The following HCRTR2 variants were observed in gnomAD, a reference collection of about 807,000 sequenced individuals.
HCRTR2 encodes orexin receptor type 2.
HCRTR2 carries 22 observed loss-of-function variants against 49.0 expected under a neutral mutation model. That is an observed-to-expected ratio of 0.45 (90% CI 0.32 to 0.64). The LOEUF is 0.64. Among genes scored for constraint, HCRTR2 ranks in the 30% least tolerant of loss-of-function variants. The pLI, the probability that HCRTR2 is intolerant of heterozygous loss-of-function variation, is 0.04. For missense variants in HCRTR2, 491 were observed against 559.4 expected (o/e 0.88, Z 1.23); for synonymous variants, 236 against 205.3 (o/e 1.15, Z -1.28).
At position 55,277,425 on chromosome 6, in the gene HCRTR2, C is replaced by A. The variant is rs1188186465; in HGVS notation, c.808C>A (p.Gln270Lys). The A allele has an allele frequency of 1.2e-6, 2 of 1,613,982 alleles. No individual in the cohort carries two copies. Among genetic ancestry groups the A allele is most frequent in the Non-Finnish European group, 1.7e-6 (2 of 1,179,994 alleles). The change falls in exon 5 of 7, where the codon CAG (glutamine) becomes AAG (lysine). Residue 270 changes from glutamine (Q) to lysine (K), a missense_variant. Transcript: ENST00000370862. Reference protein sequence around the residue: ...SVVQRKWKPLQPVSQPRGPGQ... With the variant: ...SVVQRKWKPLKPVSQPRGPGQ... ...AGTTCAGAGAAAATGGAAGCCCCTG[C>A]AGCCTGTTTCACAGCCTCGAGGGCC... is the stretch of plus-strand genomic sequence containing the variant.
In HCRTR2 at chr6:55,232,653, A is replaced by T. The variant is rs111283613; in HGVS notation, c.224-15986A>T. Among the ~76,000 whole-genome samples the T allele has an allele frequency of 1.5e-3, 234 of 152,336 alleles. 3 individuals are homozygous for T. The highest frequency in any genetic ancestry group is 5.4e-3 in the African/African-American group (224 of 41,580). ...GGATGACAAAGATCACTTGTGAAGA[A>T]CTTTATTAAGTTTTATTTGGTTGAA... is the stretch of plus-strand genomic sequence containing the variant. On this transcript the variant is annotated intron_variant, in intron 1 of 6. Transcript: ENST00000370862.
intron 4 of HCRTR2, among the ~76,000 whole-genome samples, chr6:55,270,617 A>G (rs79193812): frequency 0.027 from 4,142 of 152,306 alleles, 208 homozygotes; most frequent in African/African-American, 0.092. Flanking sequence ...TCGTGTCAAA[A>G]GTCAACAAAA....
intron 1 of HCRTR2, among the ~76,000 whole-genome samples, chr6:55,246,806 T>C (rs1326512427): frequency 1.3e-5 from 2 of 152,048 alleles, no homozygotes; most frequent in Non-Finnish European, 2.9e-5. Context: ...TGAAACTAGT[T>C]AATAATTTAA....
chr6:55,135,322 A>G (rs1561982837), intron 1 of HCRTR2, among the ~76,000 whole-genome samples: 1 of 152,132 alleles, frequency 6.6e-6, no homozygotes, highest in Non-Finnish European at 1.5e-5. Flanking sequence ...GATAAAACCC[A>G]TAATTAGTTC....
At chr6:55,237,070 TA>T (rs1286992877) in intron 1 of HCRTR2, among the ~76,000 whole-genome samples, 2 of 152,138 alleles carry the variant, frequency 1.3e-5, no homozygotes, top group African/African-American at 4.8e-5. Context: ...TGGTTTTATC[TA>T]ATCTTTCTTT....
At chr6:55,108,370 C>G (rs116058480) in intron 1 of HCRTR2, among the ~76,000 whole-genome samples, 1 of 151,944 alleles carries the variant, frequency 6.6e-6, no homozygotes, top group Non-Finnish European at 1.5e-5. Context: ...ATTCACAGAC[C>G]CTTTGAAAGA....
At chr6:55,276,610 G>C (rs926369498) in intron 4 of HCRTR2, among the ~76,000 whole-genome samples, 3 of 152,172 alleles carry the variant, frequency 2.0e-5, no homozygotes, top group South Asian at 4.1e-4. Context: ...TTACAATTAA[G>C]AGAATATTGT....
intron 1 of HCRTR2, among the ~76,000 whole-genome samples, chr6:55,231,315 T>C (rs1766110166): frequency 6.6e-6 from 1 of 152,104 alleles, no homozygotes; most frequent in African/African-American, 2.4e-5. Context: ...GTTACTGTAA[T>C]GAAATTAAAC....
rs564319958 is a variant in HCRTR2, at chr6:55,115,717, T to C, written c.-378+9172T>C. On this transcript the variant is annotated intron_variant, in intron 1 of 7. Transcript: ENST00000615358. ...TTGACATGTCCACCTCAATTTTATG[T>C]AGATTTTAGTAGATTTAGGGATATC... is the stretch of plus-strand genomic sequence containing the variant. Among the ~76,000 whole-genome samples the C allele has an allele frequency of 1.3e-3, 200 of 151,790 alleles. 1 individual carries two copies. The highest frequency in any genetic ancestry group is 4.6e-3 in the African/African-American group (192 of 41,502).
At chr6:55,277,911 T>G (rs777906767) in intron 5 of HCRTR2, among the ~76,000 whole-genome samples, 5 of 152,238 alleles carry the variant, frequency 3.3e-5, no homozygotes, top group African/African-American at 4.8e-5. Context: ...ACAACTCATT[T>G]ACAGCTTGCA....
At chr6:55,245,198 C>A (rs1015045599) in intron 1 of HCRTR2, among the ~76,000 whole-genome samples, 1 of 151,596 alleles carries the variant, frequency 6.6e-6, no homozygotes, top group Admixed American at 6.6e-5. Flanking sequence ...GTGAAAACCA[C>A]ACTTAAGATA....
At chr6:55,177,433 G>C (rs1284153310) in intron 1 of HCRTR2, among the ~76,000 whole-genome samples, 1 of 152,182 alleles carries the variant, frequency 6.6e-6, no homozygotes, top group African/African-American at 2.4e-5. Context: ...GAATTAGATT[G>C]AGAATTGCTT....
chr6:55,142,507 T>C (rs1764522004), intron 1 of HCRTR2, among the ~76,000 whole-genome samples: 2 of 151,972 alleles, frequency 1.3e-5, no homozygotes, highest in African/African-American at 4.8e-5. Flanking sequence ...GGGCCCGGCC[T>C]CAACTGATCA....
intron 1 of HCRTR2, among the ~76,000 whole-genome samples, chr6:55,201,632 G>A (rs1031862971): frequency 1.3e-5 from 2 of 152,140 alleles, no homozygotes; most frequent in South Asian, 4.1e-4. Context: ...TGATTTACTA[G>A]TGGTGGAAAA....
chr6:55,132,826 G>A (rs1452758906), intron 1 of HCRTR2, among the ~76,000 whole-genome samples: 4 of 148,692 alleles, frequency 2.7e-5, no homozygotes, highest in African/African-American at 9.9e-5. Flanking sequence ...ATTGCTTTAT[G>A]TTTAGATGGG....
intron 1 of HCRTR2, among the ~76,000 whole-genome samples, chr6:55,140,220 T>G (rs1467343213): frequency 6.6e-6 from 1 of 152,176 alleles, no homozygotes; most frequent in African/African-American, 2.4e-5. Flanking sequence ...GTCTTTTATT[T>G]TATTTATTGC....
chr6:55,171,623 A>G (rs373374869), upstream of HCRTR2, among the ~76,000 whole-genome samples: 1 of 152,358 alleles, frequency 6.6e-6, no homozygotes, highest in East Asian at 1.9e-4. Flanking sequence ...CCACATATTT[A>G]GAAGAAAGCA....
intron 4 of HCRTR2, among the ~76,000 whole-genome samples, chr6:55,270,243 C>A (rs918569133): frequency 3.7e-4 from 56 of 152,248 alleles, no homozygotes; most frequent in African/African-American, 1.2e-3. Flanking sequence ...AATAAATAGT[C>A]TGTTAATCAA....
At chr6:55,156,714 G>A (rs1301399500) in intron 1 of HCRTR2, among the ~76,000 whole-genome samples, 2 of 151,618 alleles carry the variant, frequency 1.3e-5, no homozygotes, top group Non-Finnish European at 2.9e-5. Context: ...GGACAAATGG[G>A]GTTTATTCCT....
Sources: allele counts gnomAD v4.1 joint callset (sites outside exome capture counted in the v4.1 genomes callset), GRCh38; gene constraint gnomAD v4.1.1; transcripts MANE v1.5; gene names NCBI Gene and HGNC (gene_info 2026-07-23, HGNC 2026-07-21).